Variants in TTC28 observed in about 807,000 individuals in gnomAD.
TTC28 encodes tetratricopeptide repeat protein 28.
TTC28 carries 61 observed loss-of-function variants against 198.0 expected under a neutral mutation model. The observed-to-expected ratio is 0.31, with a 90% CI of 0.25 to 0.38. The LOEUF is 0.38. Ranked by LOEUF, TTC28 falls within the 10% of genes least tolerant of loss-of-function variation. TTC28 has a pLI of 1.00. For synonymous variants in TTC28, 1,171 were observed against 1,297.8 expected, an observed-to-expected ratio of 0.90 and a Z score of 2.10; for missense variants, 2,678 against 3,164.0, an observed-to-expected ratio of 0.85 and a Z score of 3.69.
chr22:28,679,777 CGCGCGCGCCGGTT>C lies in TTC28; in HGVS notation c.-67_-55del. On this transcript the variant is annotated 5_prime_UTR_variant, in exon 1 of 23. It removes the in-frame stop codon of an upstream open reading frame in the 5' UTR. Coordinates refer to ENST00000397906, the MANE Select transcript of TTC28 (RefSeq NM_001145418.2). The stretch of plus-strand genomic sequence containing the variant: ...CGAGCTAACGGTCCCGCCAGCTAGG[CGCGCGCGCCGGTT>C]CCGCGCGCCATGTTCCCGCCGTGCT... The C allele has an allele frequency of 2.0e-6, 2 of 1,002,084 alleles. No homozygotes were observed. The highest frequency in any genetic ancestry group is 2.5e-6 in the Non-Finnish European group (2 of 797,592). The allele number at this position is 1,002,084 out of a possible 1,614,324, so 62.1% of individuals were successfully genotyped here.
At chr22:28,610,054 C>T (rs889166245) in intron 2 of TTC28, among the ~76,000 whole-genome samples, 2 of 151,970 alleles carry the variant, frequency 1.3e-5, no homozygotes, top group African/African-American at 4.8e-5. Context: ...CCTCTCTGGG[C>T]GGGGCATCTC....
chr22:28,222,327 C>T (rs1398615839), intron 5 of TTC28, among the ~76,000 whole-genome samples: 1 of 152,076 alleles, frequency 6.6e-6, no homozygotes, highest in Admixed American at 6.6e-5. Context: ...GAGGGAAAAT[C>T]CCAAGTTTAG....
chr22:28,403,318 C>T (rs1484767285), intron 2 of TTC28, among the ~76,000 whole-genome samples: 2 of 152,098 alleles, frequency 1.3e-5, no homozygotes, highest in Admixed American at 6.5e-5. Context: ...ACAGATGATT[C>T]CGTTATGAAT....
rs1939028053 is a variant in TTC28 at position 28,030,379 on chromosome 22, T to C, written c.3933-13A>G. On this transcript the variant is annotated splice_polypyrimidine_tract_variant and intron_variant, in intron 12 of 22. Coordinates refer to ENST00000397906, the MANE Select transcript of TTC28 (RefSeq NM_001145418.2). ...GCTGGCACAGGCCCTGCAGGAAAAA[T>C]TGCAGAAAAAGCCAATCAGAGAAAG... is the stretch of plus-strand genomic sequence containing the variant. The C allele has an allele frequency of 6.4e-7, 1 of 1,551,244 alleles. No individual in the cohort carries two copies. The highest frequency in any genetic ancestry group is 8.7e-7 in the Non-Finnish European group (1 of 1,146,900).
chr22:28,362,178 G>A (rs1023835573), intron 2 of TTC28, among the ~76,000 whole-genome samples: 3 of 152,132 alleles, frequency 2.0e-5, no homozygotes, highest in Non-Finnish European at 4.4e-5. Flanking sequence ...TGTGTTATGC[G>A]AGGGACCCAG....
At chr22:28,316,842 C>T (rs1453308175) in intron 2 of TTC28, among the ~76,000 whole-genome samples, 1 of 152,186 alleles carries the variant, frequency 6.6e-6, no homozygotes, top group Non-Finnish European at 1.5e-5. Flanking sequence ...TCATGGCTCA[C>T]TGCAGCTTTG....
intron 1 of TTC28, among the ~76,000 whole-genome samples, chr22:28,677,457 G>GCC (rs1427385310): frequency 2.6e-5 from 4 of 151,888 alleles, no homozygotes; most frequent in Non-Finnish European, 5.9e-5. Context: ...GAGCAGCCTG[G>GCC]CCAACATAGG....
chr22:28,445,749 G>A (rs2047691908), intron 2 of TTC28, among the ~76,000 whole-genome samples: 1 of 151,982 alleles, frequency 6.6e-6, no homozygotes, highest in Admixed American at 6.6e-5. Flanking sequence ...TAGAAAGGCT[G>A]TCTCTCACAA....
At position 27,982,652 on chromosome 22, in the gene TTC28, C is replaced by T. The variant is rs949079098; in HGVS notation, c.7015G>A (p.Ala2339Thr). ...AGSARSSPAD[A>T]PDIDKLKMAA... ...ATTTTCAGTTTGTCTATGTCGGGAG[C>T]GTCTGCTGGACTTGAGCGAGCAGAT... Residue 2339 changes from alanine to threonine, a missense_variant, in exon 23 of 23, where the codon GCT (alanine) becomes ACT (threonine). Ala to Thr is a moderately conservative substitution (Grantham distance 58). This residue lies in a region of TTC28 where 622 missense variants were observed against 656.0 expected (regional missense o/e 0.95). Transcript: ENST00000397906. The surrounding 1 kb of genome is among the most constrained non-coding windows in gnomAD (Gnocchi z 5.2). 10 of 1,551,498 alleles carry T rather than the reference C, an allele frequency of 6.4e-6. No homozygotes were observed. The highest frequency in any genetic ancestry group is 2.0e-5 in the Admixed American group (1 of 50,974).
chr22:28,042,418 C>T (rs1939680887), intron 12 of TTC28, among the ~76,000 whole-genome samples: 1 of 152,124 alleles, frequency 6.6e-6, no homozygotes, highest in Admixed American at 6.5e-5. Context: ...AGGATGAGTT[C>T]ATAACCTTTG....
At chr22:28,058,531 G>A (rs1324950134) in intron 12 of TTC28, among the ~76,000 whole-genome samples, 1 of 151,912 alleles carries the variant, frequency 6.6e-6, no homozygotes, top group Non-Finnish European at 1.5e-5. Context: ...CTAATGTTTT[G>A]CTAAATATTT....
chr22:28,102,595 C>T (rs1942186163), intron 8 of TTC28, among the ~76,000 whole-genome samples: 1 of 152,168 alleles, frequency 6.6e-6, no homozygotes, highest in Admixed American at 6.5e-5. Context: ...TGAAGGCTCC[C>T]ACCGTACAAC....
intron 2 of TTC28, among the ~76,000 whole-genome samples, chr22:28,540,451 G>T (rs1409683135): frequency 6.6e-6 from 1 of 152,260 alleles, no homozygotes; most frequent in East Asian, 1.9e-4. Context: ...TCTCCCTGCA[G>T]GAAGTTGTTT....
chr22:28,632,900 T>C (rs2051202559), intron 1 of TTC28, among the ~76,000 whole-genome samples: 1 of 151,472 alleles, frequency 6.6e-6, no homozygotes, highest in East Asian at 1.9e-4. Flanking sequence ...CTAAGATGGG[T>C]AGACTGCTTG....
intron 6 of TTC28, among the ~76,000 whole-genome samples, chr22:28,145,507 TC>T (rs1240041822): frequency 2.2e-4 from 34 of 152,272 alleles, no homozygotes; most frequent in African/African-American, 7.2e-4. Flanking sequence ...GGGGCGGGTT[TC>T]TCCTGGTCAG....
At chr22:28,320,635 G>A (rs2045431159) in intron 2 of TTC28, among the ~76,000 whole-genome samples, 1 of 152,004 alleles carries the variant, frequency 6.6e-6, no homozygotes, top group African/African-American at 2.4e-5. Context: ...ATTAATTTTG[G>A]GAAAAGAGTA....
chr22:28,655,825 T>C (rs1451665629), intron 1 of TTC28, among the ~76,000 whole-genome samples: 1 of 145,766 alleles, frequency 6.9e-6, no homozygotes, highest in African/African-American at 2.5e-5. Flanking sequence ...CACTCCAGCC[T>C]GGGCGACAGA....
chr22:28,300,572 AAATTAT>A (rs1181560106), intron 3 of TTC28, among the ~76,000 whole-genome samples: 1 of 152,256 alleles, frequency 6.6e-6, no homozygotes, highest in Non-Finnish European at 1.5e-5. Flanking sequence ...TTCAAAAGAT[AAATTAT>A]AATGCAAAGA....
At chr22:28,635,462 C>A (rs1168652521) in intron 1 of TTC28, among the ~76,000 whole-genome samples, 1 of 152,130 alleles carries the variant, frequency 6.6e-6, no homozygotes, top group South Asian at 2.1e-4. Flanking sequence ...AATATTTTGA[C>A]TGAATTTCAT....
Sources: gnomAD v4.1 joint callset for allele counts (sites outside exome capture counted in the v4.1 genomes callset) on GRCh38, gnomAD v4.1.1 for gene constraint, gnomAD v4.1.1 regional missense constraint, Gnocchi (gnomAD v3.1) non-coding constraint, MANE v1.5 for transcripts, NCBI Gene and HGNC (gene_info 2026-07-23, HGNC 2026-07-21) for gene names.